Variants in TBX15 observed in about 807,000 individuals in gnomAD.
The protein encoded by TBX15 is T-box transcription factor 15, also known as T-box transcription factor TBX15.
Under a neutral mutation model 53.9 loss-of-function variants are expected in TBX15, and 18 were observed. The observed-to-expected ratio is 0.33, with a 90% CI of 0.23 to 0.49. The LOEUF is 0.49. TBX15 is among the 20% of genes least tolerant of loss of function. TBX15 has a pLI of 0.98. For synonymous variants in TBX15, 295 were observed against 278.0 expected (o/e 1.06, Z -0.61); for missense variants, 692 against 749.5 (o/e 0.92, Z 0.90).
At chr1:118,964,615 A>C (rs1656983535) in intron 1 of TBX15, among the ~76,000 whole-genome samples, 1 of 152,194 alleles carries the variant, frequency 6.6e-6, no homozygotes, top group South Asian at 2.1e-4. Flanking sequence ...ACTATTCCTT[A>C]CTCATCTACA....
intron 2 of TBX15, among the ~76,000 whole-genome samples, chr1:118,930,456 C>A (rs371862743): frequency 1.1e-4 from 17 of 152,306 alleles, no homozygotes; most frequent in East Asian, 9.6e-4. Context: ...TGCTCTCTCA[C>A]CCAGGGTGGA....
At chr1:118,887,118 G>A (rs1024431412) in intron 7 of TBX15, among the ~76,000 whole-genome samples, 1 of 152,150 alleles carries the variant, frequency 6.6e-6, no homozygotes, top group Non-Finnish European at 1.5e-5. Context: ...AGGGCTGCGG[G>A]GCCCTTTATT....
At chr1:118,898,998 C>G in intron 7 of TBX15, 30 bp downstream of exon 7, 1 of 1,610,020 alleles carries the variant, frequency 6.2e-7, no homozygotes, top group Non-Finnish European at 8.5e-7. Context: ...GGCCCTATCA[C>G]TAAGCAGAGG....
intron 1 of TBX15, among the ~76,000 whole-genome samples, chr1:118,970,027 T>C (rs1571213555): frequency 6.6e-6 from 1 of 152,214 alleles, no homozygotes; most frequent in African/African-American, 2.4e-5. Flanking sequence ...TGTTTAAAAG[T>C]GTGTAGCACT....
chr1:118,929,913 TA>T (rs1393795556), intron 2 of TBX15, among the ~76,000 whole-genome samples: 1 of 152,124 alleles, frequency 6.6e-6, no homozygotes, highest in African/African-American at 2.4e-5. Flanking sequence ...CCAAAAACTT[TA>T]AAAAAATTTC....
intron 1 of TBX15, among the ~76,000 whole-genome samples, chr1:118,956,490 T>C (rs892832332): frequency 1.3e-5 from 2 of 152,178 alleles, no homozygotes; most frequent in East Asian, 1.9e-4. Flanking sequence ...GTAAAGGGTA[T>C]ACATGAAGGA....
intron 1 of TBX15, among the ~76,000 whole-genome samples, chr1:118,973,540 T>C (rs1327540359): frequency 2.0e-5 from 3 of 151,914 alleles, no homozygotes; most frequent in Non-Finnish European, 2.9e-5. Context: ...ACTGCCCTTA[T>C]AATAAAGCAG....
Position 118,924,656 on chromosome 1 carries a change from T to G in TBX15, c.683A>C (p.Asp228Ala). ...KLKLTNNELD[D>A]QGHIILHSMH... ...GATTCTTTGACTCACATGTCCTTGA[T>G]CATCCAACTCATTGTTGGTAAGCTT... is the stretch of plus-strand genomic sequence containing the variant. Residue 228 changes from aspartate (D) to alanine (A), a missense_variant, in exon 4 of 8, where the codon GAT becomes GCT. Physicochemically the swap from Asp to Ala is moderately radical, Grantham distance 126. Coordinates refer to ENST00000369429, the MANE Select transcript of TBX15 (RefSeq NM_001330677.2). 1.2e-6 allele frequency: 2 copies of G among 1,614,000 alleles called. No individual in the cohort carries two copies. Among genetic ancestry groups the G allele is most frequent in the Non-Finnish European group, 1.7e-6 (2 of 1,179,918 alleles).
rs1653859586 is a variant in TBX15, at chr1:118,884,630, G to T, written c.*102C>A. ...GAAAAAAAAAAAAAAAAAAAACACG[G>T]TTCCTGTTTTTCAAAGACACTGGAC... On this transcript the variant is annotated 3_prime_UTR_variant, in exon 8 of 8. Coordinates refer to ENST00000369429, the MANE Select transcript of TBX15 (RefSeq NM_001330677.2). 7.8e-7 allele frequency: 1 copy of T among 1,278,736 alleles called. No homozygotes were observed. The highest frequency in any genetic ancestry group is 1.1e-6 in the Non-Finnish European group (1 of 913,920). 79.2% of individuals were successfully genotyped at this position (1,278,736 alleles called of 1,614,324 possible). A position where few individuals can be genotyped will look rare whatever the true frequency, so the allele number is the denominator to read the frequency against.
At chr1:118,966,993 T>C (rs955864139) in intron 1 of TBX15, among the ~76,000 whole-genome samples, 6 of 152,220 alleles carry the variant, frequency 3.9e-5, no homozygotes, top group African/African-American at 1.4e-4. Context: ...ACTATGATTA[T>C]TCATTAATTG....
chr1:118,987,040 G>A (rs1337779725), intron 1 of TBX15, among the ~76,000 whole-genome samples: 1 of 152,196 alleles, frequency 6.6e-6, no homozygotes, highest in African/African-American at 2.4e-5. Context: ...AGGAGTAAGG[G>A]GTCTAACATC....
At chr1:118,937,514 G>T (rs1002072858) in intron 1 of TBX15, among the ~76,000 whole-genome samples, 1 of 152,178 alleles carries the variant, frequency 6.6e-6, no homozygotes, top group Non-Finnish European at 1.5e-5. Flanking sequence ...CATAAGCTCA[G>T]TTTAATGCTT....
chr1:118,946,083 T>C (rs1377283522), intron 1 of TBX15, among the ~76,000 whole-genome samples: 1 of 152,152 alleles, frequency 6.6e-6, no homozygotes, highest in Non-Finnish European at 1.5e-5. Context: ...ATATAGCATC[T>C]TTAAAAAAAT....
At chr1:118,931,948 G>A in intron 1 of TBX15, 116 bp from the exon 2 acceptor site, 1 of 974,936 alleles carries the variant, frequency 1.0e-6, no homozygotes, top group Non-Finnish European at 1.5e-6. Flanking sequence ...AACAAAAGGA[G>A]ACTTAAAGCT....
intron 1 of TBX15, among the ~76,000 whole-genome samples, chr1:118,984,232 T>G (rs1443418827): frequency 6.6e-6 from 1 of 152,230 alleles, no homozygotes. Context: ...CTGCGTGTCC[T>G]TGGATGTGCC....
chr1:118,973,979 C>G (rs1352615224), intron 1 of TBX15, among the ~76,000 whole-genome samples: 1 of 152,160 alleles, frequency 6.6e-6, no homozygotes, highest in Non-Finnish European at 1.5e-5. Flanking sequence ...ATCTAATGTT[C>G]CCAGGATTAA....
chr1:118,941,665 C>T (rs1392502239), intron 1 of TBX15, among the ~76,000 whole-genome samples: 4 of 152,122 alleles, frequency 2.6e-5, no homozygotes, highest in African/African-American at 4.8e-5. Context: ...TGGCAATGTA[C>T]GAGGTGTTAT....
intron 5 of TBX15, among the ~76,000 whole-genome samples, chr1:118,914,971 T>C (rs1655151229): frequency 6.6e-6 from 1 of 152,178 alleles, no homozygotes; most frequent in Non-Finnish European, 1.5e-5. Context: ...CCCCACTCAA[T>C]GCATAAGTCC....
At chr1:118,935,530 A>T (rs1268613662) in intron 1 of TBX15, among the ~76,000 whole-genome samples, 1 of 152,208 alleles carries the variant, frequency 6.6e-6, no homozygotes, top group African/African-American at 2.4e-5. Context: ...AAAATGTTAC[A>T]TGTAACCAAG....
Sources: gnomAD v4.1 joint callset for allele counts (sites outside exome capture counted in the v4.1 genomes callset) on GRCh38, gnomAD v4.1.1 for gene constraint, MANE v1.5 for transcripts, NCBI Gene and HGNC (gene_info 2026-07-23, HGNC 2026-07-21) for gene names.